Variants in MKLN1 observed in about 807,000 individuals in gnomAD.
The protein encoded by MKLN1 is muskelin.
MKLN1 carries 18 observed loss-of-function variants against 99.0 expected under a neutral mutation model. The observed-to-expected ratio is 0.18, with a 90% CI of 0.13 to 0.27. MKLN1 has a LOEUF of 0.27. Ranked by LOEUF, MKLN1 falls within the 10% of genes least tolerant of loss-of-function variation. The pLI, the probability that MKLN1 is intolerant of heterozygous loss-of-function variation, is 1.00. For synonymous variants in MKLN1, 288 were observed against 293.2 expected, an observed-to-expected ratio of 0.98 and a Z score of 0.18; for missense variants, 621 against 875.9, an observed-to-expected ratio of 0.71 and a Z score of 3.67.
intron 3 of MKLN1, among the ~76,000 whole-genome samples, chr7:131,315,821 G>A (rs1396235007): frequency 1.3e-5 from 2 of 152,166 alleles, no homozygotes; most frequent in East Asian, 3.9e-4. Context: ...GTGGCAAAGC[G>A]GCTGTGGCCA....
chr7:131,114,735 T>C (rs1236195946), intron 1 of MKLN1, among the ~76,000 whole-genome samples: 3 of 151,892 alleles, frequency 2.0e-5, no homozygotes, highest in African/African-American at 7.3e-5. Context: ...CACCTGAGGT[T>C]AGGAGTTCGA....
chr7:131,257,995 C>T (rs1225656175), intron 3 of MKLN1, among the ~76,000 whole-genome samples: 12 of 151,734 alleles, frequency 7.9e-5, no homozygotes. Flanking sequence ...GTGGAGTGTT[C>T]CTGTCGTCCC....
At chr7:131,177,322 G>A (rs888258654) in intron 2 of MKLN1, among the ~76,000 whole-genome samples, 4 of 152,024 alleles carry the variant, frequency 2.6e-5, no homozygotes, top group African/African-American at 9.7e-5. Context: ...AAAAAAATTA[G>A]CCAGACGTGG....
intron 15 of MKLN1, among the ~76,000 whole-genome samples, chr7:131,469,209 G>A (rs999988776): frequency 7.9e-5 from 12 of 152,118 alleles, no homozygotes; most frequent in Non-Finnish European, 1.8e-4. Context: ...TAGATGGATG[G>A]ATGGATGGAT....
At chr7:131,463,143 A>G (rs371018551) in intron 12 of MKLN1, 74 bp from the exon 13 acceptor site, 59 of 1,292,356 alleles carry the variant, frequency 4.6e-5, no homozygotes, top group East Asian at 2.6e-4. Context: ...GAAAGAAAAG[A>G]AAGGAAGGAA....
At chr7:131,445,929 C>G (rs779359280) in intron 12 of MKLN1, 26 bp downstream of exon 12, 1 of 1,528,636 alleles carries the variant, frequency 6.5e-7, no homozygotes, top group South Asian at 1.3e-5. Flanking sequence ...GATTTCTTCT[C>G]TCATGTCTTA....
intron 1 of MKLN1, among the ~76,000 whole-genome samples, chr7:131,119,504 T>C (rs2099440): frequency 0.99 from 150,837 of 152,356 alleles, 74,694 homozygotes; most frequent in Middle Eastern, 1. Context: ...TAGTCAGTGC[T>C]CTAGTGGGGA....
chr7:131,325,969 CA>C (rs1244488415), upstream of MKLN1, among the ~76,000 whole-genome samples: 1 of 151,234 alleles, frequency 6.6e-6, no homozygotes, highest in Non-Finnish European at 1.5e-5. Flanking sequence ...CTCTGTTAAA[CA>C]GTTTAGAAGG....
intron 3 of MKLN1, among the ~76,000 whole-genome samples, chr7:131,287,996 C>T (rs1487098860): frequency 3.3e-5 from 5 of 152,136 alleles, no homozygotes; most frequent in South Asian, 2.1e-4. Flanking sequence ...CCATGTGGAA[C>T]GGTGAGTCAA....
intron 3 of MKLN1, among the ~76,000 whole-genome samples, chr7:131,282,109 G>A (rs1798060019): frequency 6.6e-6 from 1 of 152,166 alleles, no homozygotes. Flanking sequence ...CAGCACTTTG[G>A]GAGGCCAAGG....
At chr7:131,465,783 C>T (rs1054630842) in intron 14 of MKLN1, among the ~76,000 whole-genome samples, 5 of 152,190 alleles carry the variant, frequency 3.3e-5, no homozygotes, top group African/African-American at 9.7e-5. Context: ...TCATGATCCG[C>T]CTGCCTCGGC....
chr7:131,192,691 A>G (rs1483093044), intron 2 of MKLN1, among the ~76,000 whole-genome samples: 1 of 151,560 alleles, frequency 6.6e-6, no homozygotes, highest in African/African-American at 2.4e-5. Flanking sequence ...ACAGGCACCC[A>G]CCACCACGCC....
intron 12 of MKLN1, among the ~76,000 whole-genome samples, chr7:131,461,957 A>G (rs534140039): frequency 6.6e-6 from 1 of 152,226 alleles, no homozygotes; most frequent in Non-Finnish European, 1.5e-5. Context: ...TTATAAAAAT[A>G]CAGCATTATT....
At chr7:131,259,966 C>A (rs776327801) in intron 3 of MKLN1, among the ~76,000 whole-genome samples, 2 of 152,026 alleles carry the variant, frequency 1.3e-5, no homozygotes, top group Non-Finnish European at 2.9e-5. Context: ...TAGTGTCTGC[C>A]CAAAAGCTCC....
intron 4 of MKLN1, among the ~76,000 whole-genome samples, chr7:131,392,673 C>T (rs1005299228): frequency 4.0e-5 from 6 of 149,596 alleles, no homozygotes; most frequent in Admixed American, 1.3e-4. Flanking sequence ...GGCACAATCT[C>T]GGCTCACCAC....
chr7:131,352,584 A>G (rs573572426), intron 1 of MKLN1, among the ~76,000 whole-genome samples: 42 of 152,024 alleles, frequency 2.8e-4, no homozygotes, highest in African/African-American at 8.4e-4. Context: ...GGCCCTATCT[A>G]TGTGTGTGTG....
chr7:131,445,561 G>T (rs1795987805), intron 11 of MKLN1, among the ~76,000 whole-genome samples: 1 of 151,904 alleles, frequency 6.6e-6, no homozygotes, highest in Non-Finnish European at 1.5e-5. Context: ...ATATTATTCT[G>T]CACCTTGCTT....
intron 3 of MKLN1, among the ~76,000 whole-genome samples, chr7:131,225,631 G>C (rs1417616807): frequency 6.6e-6 from 1 of 152,146 alleles, no homozygotes; most frequent in Non-Finnish European, 1.5e-5. Flanking sequence ...ACCCAGATCA[G>C]GGCATGCTAA....
chr7:131,133,819 G>GTTTTTTTTTTTTTTTTTTTTTTTTTT lies in MKLN1; in HGVS notation c.-418-9001_-418-9000insTTTTTTTTTTTTTTTTTTTTTTTTTT, dbSNP rs1563226557. Among the ~76,000 whole-genome samples the GTTTTTTTTTTTTTTTTTTTTTTTTTT allele has an allele frequency of 1.5e-4, 10 of 67,234 alleles. 2 individuals carry two copies. Among genetic ancestry groups the GTTTTTTTTTTTTTTTTTTTTTTTTTT allele is most frequent in the African/African-American group, 2.5e-4 (5 of 19,614 alleles). 44.1% of individuals were successfully genotyped at this position (67,234 alleles called of 152,430 possible). Reference sequence around the variant, plus strand: ...ACTTCTTTTTTTTTTTTTTTAATTTGGTTTTTTTTTTTTTTTTTTTTTTTT... The same window carrying GTTTTTTTTTTTTTTTTTTTTTTTTTT: ...ACTTCTTTTTTTTTTTTTTTAATTTGTTTTTTTTTTTTTTTTTTTTTTTTTTGTTTTTTTTTTTTTTTTTTTTTTTT... On this transcript the variant is annotated intron_variant, in intron 1 of 7. Coordinates refer to the MKLN1 transcript ENST00000416992.
Sources: allele counts gnomAD v4.1 joint callset (sites outside exome capture counted in the v4.1 genomes callset), GRCh38; gene constraint gnomAD v4.1.1; transcripts MANE v1.5; gene names NCBI Gene and HGNC (gene_info 2026-07-23, HGNC 2026-07-21).